Variants in NFAT5 observed in about 807,000 individuals in gnomAD.
NFAT5 encodes the protein nuclear factor of activated T-cells 5.
A neutral mutation model predicts 166.5 loss-of-function variants in NFAT5; 31 were observed. That is an observed-to-expected ratio of 0.19 (90% CI 0.14 to 0.25). The LOEUF is 0.25. NFAT5 is among the 10% of genes least tolerant of loss of function. The pLI, the probability that NFAT5 is intolerant of heterozygous loss-of-function variation, is 1.00. For synonymous variants in NFAT5, 612 were observed against 639.7 expected (o/e 0.96, Z 0.65); for missense variants, 1,449 against 1,821.8 (o/e 0.80, Z 3.72).
intron 7 of NFAT5, among the ~76,000 whole-genome samples, chr16:69,662,450 CTTTTTTT>C (rs539200298): frequency 2.1e-5 from 2 of 97,020 alleles, no homozygotes; most frequent in Admixed American, 1.2e-4. Flanking sequence ...ACACCTCTTT[CTTTTTTT>C]TTTTTTTTTT....
chr16:69,587,944 CTTTTTTTTTTTTTTT>C (rs61460423), intron 2 of NFAT5, among the ~76,000 whole-genome samples: 1 of 68,232 alleles, frequency 1.5e-5, no homozygotes, highest in African/African-American at 5.6e-5. Flanking sequence ...ATAGTGCTTT[CTTTTTTTTTTTTTTT>C]TTTTTTTTTT....
chr16:69,670,661 C>T (rs1360380476), intron 9 of NFAT5, among the ~76,000 whole-genome samples: 2 of 152,054 alleles, frequency 1.3e-5, no homozygotes, highest in Non-Finnish European at 2.9e-5. Context: ...TTTGTTAAAC[C>T]TTCTTGTGTT....
intron 2 of NFAT5, among the ~76,000 whole-genome samples, chr16:69,609,949 T>A (rs1482866208): frequency 6.6e-6 from 1 of 151,176 alleles, no homozygotes; most frequent in Admixed American, 6.6e-5. Context: ...GAGGCTGCAA[T>A]GAGCAATGAT....
At chr16:69,648,497 T>C in intron 4 of NFAT5, 1 of 985,308 alleles carries the variant, frequency 1.0e-6, no homozygotes, top group Non-Finnish European at 1.2e-6. Context: ...GGGTTACTTA[T>C]TTAGAGGGTG....
At chr16:69,569,521 G>T (rs572135016) in intron 2 of NFAT5, among the ~76,000 whole-genome samples, 1 of 152,184 alleles carries the variant, frequency 6.6e-6, no homozygotes, top group South Asian at 2.1e-4. Flanking sequence ...CCGGGATAGT[G>T]GGGGGCAAGT....
At chr16:69,669,249 G>A (rs367799683) in intron 7 of NFAT5, among the ~76,000 whole-genome samples, 2 of 152,214 alleles carry the variant, frequency 1.3e-5, no homozygotes, top group African/African-American at 4.8e-5. Flanking sequence ...TTGGATTTTG[G>A]AGCATTTAAG....
chr16:69,605,859 G>A (rs1415374388), intron 2 of NFAT5, among the ~76,000 whole-genome samples: 1 of 151,834 alleles, frequency 6.6e-6, no homozygotes, highest in African/African-American at 2.4e-5. Flanking sequence ...GACTACAGGC[G>A]CCCGCCACTG....
At chr16:69,603,523 G>A (rs888149509) in intron 2 of NFAT5, among the ~76,000 whole-genome samples, 1 of 152,014 alleles carries the variant, frequency 6.6e-6, no homozygotes. Flanking sequence ...TTTGGGAGGT[G>A]GGCAGATCAC....
chr16:69,579,733 A>T (rs569716596), intron 2 of NFAT5, among the ~76,000 whole-genome samples: 1 of 152,350 alleles, frequency 6.6e-6, no homozygotes, highest in South Asian at 2.1e-4. Flanking sequence ...AAAAAATGGT[A>T]AAGATGATAA....
chr16:69,613,485 A>G (rs953953604), intron 2 of NFAT5, among the ~76,000 whole-genome samples: 1 of 152,204 alleles, frequency 6.6e-6, no homozygotes, highest in Non-Finnish European at 1.5e-5. Flanking sequence ...TGCCTTTAGT[A>G]GTTTCATCTC....
At chr16:69,659,304 T>C (rs1327946433) in intron 6 of NFAT5, among the ~76,000 whole-genome samples, 2 of 151,844 alleles carry the variant, frequency 1.3e-5, no homozygotes, top group African/African-American at 4.8e-5. Flanking sequence ...TAGTTGGGCA[T>C]GGTGGCGGCC....
At chr16:69,663,997 G>C (rs1312139841) in intron 7 of NFAT5, among the ~76,000 whole-genome samples, 1 of 152,026 alleles carries the variant, frequency 6.6e-6, no homozygotes, top group East Asian at 1.9e-4. Flanking sequence ...TTATCTTATG[G>C]TTACTCAATT....
intron 2 of NFAT5, among the ~76,000 whole-genome samples, chr16:69,605,240 G>C: frequency 6.6e-6 from 1 of 152,202 alleles, no homozygotes; most frequent in East Asian, 1.9e-4. Flanking sequence ...AGGAGTTCGA[G>C]ATCTGCCTGG....
At chr16:69,654,838 C>T (rs1383736524) in intron 5 of NFAT5, among the ~76,000 whole-genome samples, 1 of 152,086 alleles carries the variant, frequency 6.6e-6, no homozygotes, top group African/African-American at 2.4e-5. Context: ...TTTTTAAGTA[C>T]TTTGTTTGGC....
At chr16:69,659,942 T>C (rs2036051289) in intron 7 of NFAT5, 43 bp downstream of exon 7, 2 of 1,460,004 alleles carry the variant, frequency 1.4e-6, no homozygotes, top group Non-Finnish European at 1.9e-6. Flanking sequence ...TGGAGTTTCT[T>C]TCATTTTCTG....
intron 6 of NFAT5, 65 bp from the exon 7 acceptor site, chr16:69,659,662 T>G: frequency 7.6e-7 from 1 of 1,315,598 alleles, no homozygotes; most frequent in Non-Finnish European, 1.0e-6. Context: ...ACAAACTTGT[T>G]GATTAAGAAC....
chr16:69,677,927 T>C (rs974175258), intron 10 of NFAT5, among the ~76,000 whole-genome samples: 1 of 151,474 alleles, frequency 6.6e-6, no homozygotes, highest in Admixed American at 6.6e-5. Flanking sequence ...CCGAGGCGGG[T>C]GGATCACCTG....
intron 3 of NFAT5, among the ~76,000 whole-genome samples, chr16:69,642,434 T>A (rs968862017): frequency 7.9e-5 from 12 of 152,236 alleles, no homozygotes; most frequent in Admixed American, 3.3e-4. Context: ...TCTGACATTA[T>A]AAATTTCTAT....
chr16:69,646,692 G>A, intron 3 of NFAT5: 1 of 265,914 alleles, frequency 3.8e-6, no homozygotes, highest in Non-Finnish European at 6.6e-6. Flanking sequence ...TTCATATTGG[G>A]GTTTTCTTTA....
Sources: gnomAD v4.1 joint callset for allele counts (sites outside exome capture counted in the v4.1 genomes callset) on GRCh38, gnomAD v4.1.1 for gene constraint, MANE v1.5 for transcripts, NCBI Gene and HGNC (gene_info 2026-07-23, HGNC 2026-07-21) for gene names.